The following CPA3 variants were observed in gnomAD, a reference collection of about 807,000 sequenced individuals.
CPA3 encodes the protein carboxypeptidase A3.
A neutral mutation model predicts 55.8 loss-of-function variants in CPA3; 52 were observed. The observed-to-expected ratio is 0.93, with a 90% CI of 0.75 to 1.17. The LOEUF is 1.17. CPA3 is among the 50% of genes most tolerant of loss of function. The pLI is 0.00. For synonymous variants in CPA3, 179 were observed against 171.2 expected (o/e 1.05, Z -0.36); for missense variants, 547 against 509.1 (o/e 1.07, Z -0.72).
intron 10 of CPA3, among the ~76,000 whole-genome samples, chr3:148,890,766 A>G (rs536548942): frequency 6.6e-6 from 1 of 152,372 alleles, no homozygotes; most frequent in East Asian, 1.9e-4. Context: ...TGCAGCACAC[A>G]TTAAGTCACC....
chr3:148,894,575 CA>C (rs1714774505), intron 10 of CPA3, among the ~76,000 whole-genome samples: 1 of 151,498 alleles, frequency 6.6e-6, no homozygotes. Flanking sequence ...TATAATTCAA[CA>C]ATATGCTGTT....
intron 10 of CPA3, among the ~76,000 whole-genome samples, chr3:148,889,978 C>T (rs573909906): frequency 6.6e-6 from 1 of 151,852 alleles, no homozygotes; most frequent in African/African-American, 2.4e-5. Flanking sequence ...GAGCTCGGCA[C>T]TCAATTTTTT....
intron 3 of CPA3, among the ~76,000 whole-genome samples, chr3:148,875,579 G>A (rs1204374792): frequency 1.3e-5 from 2 of 150,836 alleles, no homozygotes; most frequent in Admixed American, 1.3e-4. Context: ...TCTTTTTGCT[G>A]TCAGCTATCA....
intron 5 of CPA3, 120 bp from the exon 6 acceptor site, chr3:148,879,668 T>C (rs1714304678): frequency 1.5e-6 from 1 of 672,720 alleles, no homozygotes; most frequent in African/African-American, 1.8e-5. Flanking sequence ...GCATACATGG[T>C]TCTCATTCAA....
chr3:148,872,842 T>C (rs999849934), intron 3 of CPA3, among the ~76,000 whole-genome samples: 2 of 152,200 alleles, frequency 1.3e-5, no homozygotes, highest in Non-Finnish European at 2.9e-5. Flanking sequence ...AGCAACGCTG[T>C]CTGGGTCCAG....
chr3:148,872,982 G>C (rs1714104798), intron 3 of CPA3, among the ~76,000 whole-genome samples: 1 of 151,530 alleles, frequency 6.6e-6, no homozygotes, highest in East Asian at 1.9e-4. Flanking sequence ...AGATTGACTG[G>C]GATCGTAAAG....
chr3:148,896,290 C>T (rs1714824682), intron 10 of CPA3, among the ~76,000 whole-genome samples: 2 of 152,190 alleles, frequency 1.3e-5, no homozygotes, highest in South Asian at 2.1e-4. Flanking sequence ...ACTTACTACT[C>T]ACCCAACCAA....
At chr3:148,875,452 C>A (rs1714178385) in intron 3 of CPA3, among the ~76,000 whole-genome samples, 1 of 151,998 alleles carries the variant, frequency 6.6e-6, no homozygotes, top group African/African-American at 2.4e-5. Flanking sequence ...TATGGTTTAC[C>A]TTTGGGTAAA....
chr3:148,871,310 G>A (rs1251270833), intron 3 of CPA3, among the ~76,000 whole-genome samples: 1 of 152,184 alleles, frequency 6.6e-6, no homozygotes, highest in Non-Finnish European at 1.5e-5. Flanking sequence ...TTCAGCCCAA[G>A]GTAAAATAAA....
chr3:148,888,467 T>C (rs3772575), intron 10 of CPA3, among the ~76,000 whole-genome samples: 41,285 of 152,152 alleles, frequency 0.27, 5,783 homozygotes, highest in South Asian at 0.4. Context: ...TCATTACACA[T>C]ACAGGTGGAT....
chr3:148,882,514 T>C lies in CPA3; in HGVS notation c.697T>C (p.Trp233Arg). The C allele has an allele frequency of 6.2e-7, 1 of 1,613,492 alleles. No individual in the cohort carries two copies. ...YIWSWTKNRM[W>R]RKNRSKNQNS... ...TCATTCAATCTGGCAGAACCGCATG[T>C]GGAGAAAAAATCGTTCCAAGAACCA... is the stretch of plus-strand genomic sequence containing the variant. Residue 233 changes from tryptophan to arginine, a missense_variant, in exon 8 of 11, where the codon TGG becomes CGG. Trp to Arg is a moderately radical substitution (Grantham distance 101). Transcript: ENST00000296046.
At chr3:148,890,601 T>C (rs1002387304) in intron 10 of CPA3, among the ~76,000 whole-genome samples, 1 of 152,240 alleles carries the variant, frequency 6.6e-6, no homozygotes, top group African/African-American at 2.4e-5. Context: ...TATTTCAGTG[T>C]ATGCCCATGT....
chr3:148,896,905 T>C lies in CPA3; in HGVS notation c.*198T>C. 1 of 408,906 alleles carries C rather than the reference T, an allele frequency of 2.4e-6. No individual in the cohort carries two copies. Among genetic ancestry groups the C allele is most frequent in the Admixed American group, 4.1e-5 (1 of 24,664 alleles). The allele number at this position is 408,906 out of a possible 1,614,324, so 25.3% of individuals were successfully genotyped here. On this transcript the variant is annotated 3_prime_UTR_variant, in exon 11 of 11. Coordinates refer to ENST00000296046, the MANE Select transcript of CPA3 (RefSeq NM_001870.4). ...ACGAAGTAGCTTTAAGTGAAACCTT[T>C]TAACTACCTTTCTTTGCTCCAAGTG...
Position 148,878,750 on chromosome 3 carries a change from T to C in CPA3, c.474+2T>C. ...GATAATCCACTATATGTTCTGAAGG[T>C]AAAAATAACTCAAGAACCACTAATT... On this transcript the variant is annotated splice_donor_variant, in intron 5 of 10. Coordinates refer to ENST00000296046, the MANE Select transcript of CPA3 (RefSeq NM_001870.4). LOFTEE classifies it high-confidence loss of function. 1 of 1,516,244 alleles carries C rather than the reference T, an allele frequency of 6.6e-7. No individual in the cohort carries two copies. Among genetic ancestry groups the C allele is most frequent in the South Asian group, 1.2e-5 (1 of 84,720 alleles). The allele number at this position is 1,516,244 out of a possible 1,614,324, so 93.9% of individuals were successfully genotyped here.
chr3:148,877,455 T>C (rs999554866), intron 3 of CPA3, among the ~76,000 whole-genome samples: 11 of 151,396 alleles, frequency 7.3e-5, no homozygotes, highest in Non-Finnish European at 1.5e-4. Context: ...GATCACACCA[T>C]TGCACTCCAG....
intron 2 of CPA3, 148 bp downstream of exon 2, chr3:148,865,696 A>G (rs1713883450): frequency 1.4e-6 from 1 of 731,440 alleles, no homozygotes; most frequent in Non-Finnish European, 2.2e-6. Flanking sequence ...GCCAATGGCC[A>G]ATACTTCACC....
In CPA3 at chr3:148,869,321, G is replaced by A. The variant is rs143488947; in HGVS notation, c.269+282G>A. Among the ~76,000 whole-genome samples, 432 of 152,216 alleles carry A rather than the reference G, an allele frequency of 2.8e-3. 2 individuals carry two copies. The highest frequency in any genetic ancestry group is 9.7e-3 in the African/African-American group (404 of 41,540). On this transcript the variant is annotated intron_variant, in intron 3 of 10. Coordinates refer to ENST00000296046, the MANE Select transcript of CPA3 (RefSeq NM_001870.4). ...CATCTCCAAAACCAGCCCCTCATAA[G>A]CACAGAGCCCACATGAGCAGGCATG...
chr3:148,877,587 T>C (rs1714243192), intron 3 of CPA3, among the ~76,000 whole-genome samples: 1 of 152,172 alleles, frequency 6.6e-6, no homozygotes, highest in South Asian at 2.1e-4. Context: ...CCTAGTGATT[T>C]TTCCCACCTC....
intron 6 of CPA3, among the ~76,000 whole-genome samples, chr3:148,881,082 T>G (rs1486822588): frequency 2.0e-5 from 3 of 152,220 alleles, no homozygotes; most frequent in Admixed American, 6.5e-5. Flanking sequence ...TTAATACAAT[T>G]TTTTATTTAA....
Sources: allele counts gnomAD v4.1 joint callset (sites outside exome capture counted in the v4.1 genomes callset), GRCh38; gene constraint gnomAD v4.1.1; transcripts MANE v1.5; gene names NCBI Gene and HGNC (gene_info 2026-07-23, HGNC 2026-07-21).